Variants in EIF4G3 observed in about 807,000 individuals in gnomAD.
EIF4G3 encodes the protein eukaryotic translation initiation factor 4 gamma 3.
EIF4G3 carries 34 observed loss-of-function variants against 186.4 expected under a neutral mutation model. That is an observed-to-expected ratio of 0.18 (90% CI 0.14 to 0.24). The LOEUF is 0.24. EIF4G3 is among the 10% of genes least tolerant of loss of function. The probability of loss-of-function intolerance (pLI) is 1.00; values close to 1 mark genes in which losing one functional copy is unlikely to be tolerated. For synonymous variants in EIF4G3, 673 were observed against 679.5 expected (o/e 0.99, Z 0.15); for missense variants, 1,536 against 1,948.5 (o/e 0.79, Z 3.99).
intron 3 of EIF4G3, among the ~76,000 whole-genome samples, chr1:21,053,546 G>A (rs1484809570): frequency 6.8e-6 from 1 of 146,964 alleles, no homozygotes; most frequent in Non-Finnish European, 1.5e-5. Context: ...AAGGAGGTGG[G>A]GGGGTCAGCC....
intron 4 of EIF4G3, among the ~76,000 whole-genome samples, chr1:21,025,920 A>C (rs1200700629): frequency 6.6e-6 from 1 of 152,162 alleles, no homozygotes; most frequent in African/African-American, 2.4e-5. Context: ...ATAACAAAAA[A>C]TTATCCCCTG....
intron 12 of EIF4G3, among the ~76,000 whole-genome samples, chr1:20,961,312 G>A (rs1234167093): frequency 6.6e-6 from 1 of 152,114 alleles, no homozygotes; most frequent in East Asian, 1.9e-4. Context: ...GAACCAGGGA[G>A]GCAGAGGTTG....
chr1:20,952,877 A>C (rs986000342), intron 12 of EIF4G3, among the ~76,000 whole-genome samples: 2 of 152,036 alleles, frequency 1.3e-5, no homozygotes, highest in Non-Finnish European at 1.5e-5. Context: ...ACAAACAAAC[A>C]AACAAACAGT....
chr1:20,867,266 A>G (rs1217338572), intron 20 of EIF4G3, among the ~76,000 whole-genome samples: 2 of 152,256 alleles, frequency 1.3e-5, no homozygotes, highest in South Asian at 4.1e-4. Context: ...TGAAATCGAA[A>G]GAGTGCTGGA....
intron 2 of EIF4G3, among the ~76,000 whole-genome samples, chr1:21,103,837 C>T (rs2096568969): frequency 6.6e-6 from 1 of 152,072 alleles, no homozygotes; most frequent in African/African-American, 2.4e-5. Flanking sequence ...GAGCAAGACT[C>T]TGTCTCAGAA....
Position 20,807,519 on chromosome 1 carries a change from A to C in EIF4G3, c.4745-19T>G. The C allele has an allele frequency of 4.5e-6, 7 of 1,572,834 alleles. No individual in the cohort carries two copies. Among genetic ancestry groups the C allele is most frequent in the Non-Finnish European group, 6.1e-6 (7 of 1,152,338 alleles). On this transcript the variant is annotated intron_variant, in intron 36 of 36. Transcript: ENST00000602326. ...AGCAAATCTGCAAGGAGGTGAAAATAAACTATAAGCTTTGGGACACTGTAG... is the reference window on the plus strand; with the variant it reads ...AGCAAATCTGCAAGGAGGTGAAAATCAACTATAAGCTTTGGGACACTGTAG...
intron 2 of EIF4G3, among the ~76,000 whole-genome samples, chr1:21,151,236 CTTTTTTTTTTT>C (rs71014161): frequency 1.2e-5 from 1 of 80,410 alleles, no homozygotes; most frequent in African/African-American, 4.8e-5. Context: ...GTATTTCTTT[CTTTTTTTTTTT>C]TTTTTTTTTG....
intron 2 of EIF4G3, among the ~76,000 whole-genome samples, chr1:21,171,260 A>G (rs146159450): frequency 5.9e-5 from 9 of 152,356 alleles, no homozygotes; most frequent in Non-Finnish European, 1.2e-4. Flanking sequence ...ATATTAGCTC[A>G]AAGTATTATT....
At chr1:21,136,285 C>G (rs9426732) in intron 2 of EIF4G3, among the ~76,000 whole-genome samples, 65,294 of 150,824 alleles carry the variant, frequency 0.43, 14,432 homozygotes, top group Non-Finnish European at 0.47. Context: ...TTGGGAGGCC[C>G]AGGCAGGTGG....
chr1:20,877,527 G>A (rs959332602), intron 20 of EIF4G3, among the ~76,000 whole-genome samples: 2 of 152,230 alleles, frequency 1.3e-5, no homozygotes, highest in African/African-American at 4.8e-5. Context: ...TATCCATATT[G>A]CAACTTAGTA....
intron 7 of EIF4G3, among the ~76,000 whole-genome samples, chr1:20,983,854 AAAG>A (rs1266200437): frequency 3.3e-5 from 5 of 152,180 alleles, no homozygotes; most frequent in Admixed American, 3.3e-4. Flanking sequence ...AGGAGAGGAG[AAAG>A]AAAATGAATC....
rs375666603 is a variant in EIF4G3, at chr1:20,807,220, C to T, written c.*99G>A. 8.8e-5 allele frequency: 101 copies of T among 1,152,680 alleles called. No individual in the cohort carries two copies. The highest frequency in any genetic ancestry group is 2.5e-4 in the South Asian group (14 of 55,226). The allele number at this position is 1,152,680 out of a possible 1,614,324, so 71.4% of individuals were successfully genotyped here. On this transcript the variant is annotated 3_prime_UTR_variant, in exon 37 of 37. Transcript: ENST00000602326. ...ACTCGTGCACACGTGGGGGTTTCTG[C>T]GAGAATTGGCCTTGCTGCACTGTGA...
intron 11 of EIF4G3, among the ~76,000 whole-genome samples, chr1:20,971,695 G>GCC (rs1366041891): frequency 1.3e-5 from 2 of 152,220 alleles, no homozygotes; most frequent in African/African-American, 4.8e-5. Context: ...CTGGAGTGCA[G>GCC]TGGCACGATC....
chr1:20,841,032 T>TGA lies in EIF4G3; in HGVS notation c.3889-5_3889-4insTC. The TGA allele has an allele frequency of 6.2e-7, 1 of 1,613,418 alleles. No homozygotes were observed. Among genetic ancestry groups the TGA allele is most frequent in the Middle Eastern group, 1.7e-4 (1 of 6,058 alleles). On this transcript the variant is annotated splice_region_variant and splice_polypyrimidine_tract_variant and intron_variant, in intron 29 of 36. Transcript: ENST00000602326. ...CTTCCACACACTGCATGGCTTCCTG[T>TGA]TCCAACAGCAAAGAAAGGTTTACTC...
Position 20,903,199 on chromosome 1 carries a change from T to C in EIF4G3, c.1752+1684A>G, listed in dbSNP as rs77145232. Among the ~76,000 whole-genome samples, 526 of 152,372 alleles carry C rather than the reference T, an allele frequency of 3.5e-3. 3 individuals are homozygous for C. Among genetic ancestry groups the C allele is most frequent in the Admixed American group, 8.4e-3 (128 of 15,310 alleles). On this transcript the variant is annotated intron_variant, in intron 15 of 36. Coordinates refer to ENST00000602326, the MANE Select transcript of EIF4G3 (RefSeq NM_001391906.1). ...GTCCACCAATAAAGTTTTGTGAAGA[T>C]ACAACCTTGCTTCTTTCATTTACAC...
At chr1:20,874,801 C>G (rs1215590340) in intron 20 of EIF4G3, among the ~76,000 whole-genome samples, 2 of 152,098 alleles carry the variant, frequency 1.3e-5, no homozygotes, top group African/African-American at 2.4e-5. Flanking sequence ...TGAAAATAGC[C>G]TCCTTGATAT....
chr1:21,062,004 C>T (rs1557771713), intron 3 of EIF4G3, among the ~76,000 whole-genome samples: 1 of 151,868 alleles, frequency 6.6e-6, no homozygotes, highest in African/African-American at 2.4e-5. Flanking sequence ...ACCTTGGACT[C>T]CCAAAGTGCT....
intron 27 of EIF4G3, among the ~76,000 whole-genome samples, chr1:20,853,106 T>C (rs2073859149): frequency 6.6e-6 from 1 of 152,210 alleles, no homozygotes; most frequent in South Asian, 2.1e-4. Context: ...GCCAACAGGA[T>C]ACTTGACTGT....
At chr1:20,914,308 T>A (rs574419852) in intron 14 of EIF4G3, among the ~76,000 whole-genome samples, 4 of 152,164 alleles carry the variant, frequency 2.6e-5, no homozygotes, top group South Asian at 4.1e-4. Flanking sequence ...ATGAGGAGAC[T>A]ATTATCCTAG....
Sources: allele counts gnomAD v4.1 joint callset (sites outside exome capture counted in the v4.1 genomes callset), GRCh38; gene constraint gnomAD v4.1.1; transcripts MANE v1.5; gene names NCBI Gene and HGNC (gene_info 2026-07-23, HGNC 2026-07-21).